Variants in NOMO3 observed in about 807,000 individuals in gnomAD.
The protein encoded by NOMO3 is NODAL modulator 3, also known as BOS complex subunit NOMO3.
NOMO3 carries 15 observed loss-of-function variants against 69.9 expected under a neutral mutation model. The observed-to-expected ratio is 0.21, with a 90% CI of 0.14 to 0.33. The LOEUF is 0.33. Ranked by LOEUF, NOMO3 falls within the 10% of genes least tolerant of loss-of-function variation. The pLI is 1.00. For missense variants in NOMO3, 218 were observed against 761.0 expected (o/e 0.29, Z 8.39); for synonymous variants, 89 against 301.9 (o/e 0.29, Z 7.31).
In NOMO3 at chr16:16,254,958, C is replaced by A. The variant is rs1350149790; in HGVS notation, c.964-762C>A. 1.4e-5 allele frequency among the ~76,000 whole-genome samples: 2 copies of A among 143,672 alleles called. 1 individual carries two copies. Among genetic ancestry groups the A allele is most frequent in the African/African-American group, 5.7e-5 (2 of 34,862 alleles). 94.3% of individuals were successfully genotyped at this position (143,672 alleles called of 152,430 possible). A position where few individuals can be genotyped will look rare whatever the true frequency, so the allele number is the denominator to read the frequency against. On this transcript the variant is annotated intron_variant, in intron 9 of 30. Transcript: ENST00000399336. ...TTTTCTTTGAGACAGAGTCTTGCTG[C>A]TTCACACAGGCTGGCACTATCTTGG...
At chr16:16,256,571 C>T (rs1190409208) in intron 11 of NOMO3, among the ~76,000 whole-genome samples, 1 of 26,148 alleles carries the variant, frequency 3.8e-5, no homozygotes, top group Non-Finnish European at 6.5e-5. Flanking sequence ...TGAGACACTG[C>T]ACCCGGCCAA....
At chr16:16,266,724 T>C in intron 15 of NOMO3, 1 of 519,790 alleles carries the variant, frequency 1.9e-6, no homozygotes, top group South Asian at 1.9e-5. Flanking sequence ...TTGAGATCAC[T>C]AATTTATTTG....
At chr16:16,265,350 T>G (rs1430174858) in intron 15 of NOMO3, 171 bp downstream of exon 15, 1 of 1,017,546 alleles carries the variant, frequency 9.8e-7, no homozygotes, top group Non-Finnish European at 1.4e-6. Context: ...TTATACTCTC[T>G]CAGTGGAAGG....
At chr16:16,249,411 C>A (rs1293917812) in intron 6 of NOMO3, among the ~76,000 whole-genome samples, 3 of 141,958 alleles carry the variant, frequency 2.1e-5, no homozygotes, top group Non-Finnish European at 4.5e-5. Context: ...GAAACCGCAT[C>A]TCTACTAAAA....
At position 16,237,262 on chromosome 16, in the gene NOMO3, T is replaced by C. The variant is rs182310529; in HGVS notation, c.255+272T>C. Among the ~76,000 whole-genome samples the C allele has an allele frequency of 1.3e-3, 181 of 144,270 alleles. 34 individuals carry two copies. Among genetic ancestry groups the C allele is most frequent in the African/African-American group, 4.7e-3 (170 of 35,910 alleles). 94.6% of individuals were successfully genotyped at this position (144,270 alleles called of 152,430 possible). On this transcript the variant is annotated intron_variant, in intron 2 of 30. Transcript: ENST00000399336. ...CTGTGCGCTACAGTCACCCAGTGAG[T>C]AGTGGCCAGGCGTGGAGCTAAATGT... is the stretch of plus-strand genomic sequence containing the variant.
intron 11 of NOMO3, among the ~76,000 whole-genome samples, chr16:16,259,418 G>A (rs1191541371): frequency 1.4e-5 from 2 of 140,706 alleles, no homozygotes; most frequent in Non-Finnish European, 3.0e-5. Context: ...GCGCCATCTC[G>A]GCTCACTGCA....
At chr16:16,254,152 C>T (rs909635129) in intron 9 of NOMO3, among the ~76,000 whole-genome samples, 1 of 142,672 alleles carries the variant, frequency 7.0e-6, no homozygotes, top group Non-Finnish European at 1.5e-5. Context: ...CTTTGCTTCT[C>T]GTAGCTTGCA....
At position 16,241,031 on chromosome 16, in the gene NOMO3, G is replaced by A. The variant is rs901669496; in HGVS notation, c.301+1135G>A. ...TACCCCCAACTGGTGCTGTTGATAA[G>A]CTTTTTAATTGAATTATACTTTCAG... On this transcript the variant is annotated intron_variant, in intron 3 of 30. Transcript: ENST00000399336. Among the ~76,000 whole-genome samples, 110 of 143,032 alleles carry A rather than the reference G, an allele frequency of 7.7e-4. 2 individuals are homozygous for A. The highest frequency in any genetic ancestry group is 1.4e-3 in the Non-Finnish European group (94 of 67,242). The allele number at this position is 143,032 out of a possible 152,430, so 93.8% of individuals were successfully genotyped here. A position where few individuals can be genotyped will look rare whatever the true frequency, so the allele number is the denominator to read the frequency against.
chr16:16,262,805 G>A (rs1316791800), intron 12 of NOMO3, among the ~76,000 whole-genome samples: 6 of 140,706 alleles, frequency 4.3e-5, no homozygotes, highest in Non-Finnish European at 7.4e-5. Context: ...AGGCGTGTCC[G>A]CGTTGCGGGC....
intron 2 of NOMO3, among the ~76,000 whole-genome samples, chr16:16,238,259 G>A (rs1166421057): frequency 1.5e-5 from 2 of 135,258 alleles, no homozygotes; most frequent in African/African-American, 6.2e-5. Context: ...TTGAGACAGA[G>A]TCTCACTCTG....
chr16:16,252,296 A>G (rs2141253091), intron 8 of NOMO3, 137 bp from the exon 9 acceptor site: 1 of 1,519,670 alleles, frequency 6.6e-7, no homozygotes, highest in East Asian at 2.5e-5. Flanking sequence ...CCTCTTTTCA[A>G]ATCTGCAACA....
intron 15 of NOMO3, among the ~76,000 whole-genome samples, chr16:16,265,672 T>TG (rs2049612073): frequency 3.3e-4 from 9 of 27,630 alleles, no homozygotes; most frequent in Admixed American, 5.2e-4. Context: ...ATATATATAT[T>TG]TTTTTTTTTT....
chr16:16,274,192 T>G, intron 20 of NOMO3, 117 bp downstream of exon 20: 1 of 797,198 alleles, frequency 1.3e-6, no homozygotes, highest in Non-Finnish European at 2.0e-6. Flanking sequence ...CCACCTTACA[T>G]CCTCTCTGGC....
chr16:16,265,285 C>G, intron 15 of NOMO3, 106 bp downstream of exon 15: 1 of 1,577,908 alleles, frequency 6.3e-7, no homozygotes, highest in South Asian at 1.1e-5. Flanking sequence ...AGTCAGATTT[C>G]CTTTTCTGCC....
intron 5 of NOMO3, among the ~76,000 whole-genome samples, chr16:16,245,431 A>G (rs1206576050): frequency 6.9e-6 from 1 of 144,572 alleles, no homozygotes; most frequent in Non-Finnish European, 1.5e-5. Flanking sequence ...GCTTGCGCCT[A>G]TAATGCCAGC....
intron 11 of NOMO3, among the ~76,000 whole-genome samples, chr16:16,258,721 G>A (rs1381706759): frequency 1.4e-5 from 2 of 143,138 alleles, no homozygotes; most frequent in Admixed American, 6.8e-5. Flanking sequence ...AAAGGTTGGC[G>A]GGGCATGGTG....
At chr16:16,264,554 CT>C (rs767272625) in intron 14 of NOMO3, among the ~76,000 whole-genome samples, 3 of 87,038 alleles carry the variant, frequency 3.4e-5, no homozygotes, top group Admixed American at 1.1e-4. Context: ...GTTTTTCTTT[CT>C]TTTTTTTTGA....
intron 15 of NOMO3, chr16:16,265,380 T>A: frequency 1.7e-6 from 1 of 595,602 alleles, no homozygotes; most frequent in Admixed American, 3.1e-5. Context: ...TTTAGGAGGT[T>A]TCCTTGTCCT....
chr16:16,262,848 C>A lies in NOMO3; in HGVS notation c.1396-226C>A, dbSNP rs1273698391. ...GAATTAGGCCAGATAGACTTTTGTT[C>A]ATACACATCGGTCTGTTGAGGCTAA... On this transcript the variant is annotated intron_variant, in intron 12 of 30. Transcript: ENST00000399336. 3.5e-5 allele frequency among the ~76,000 whole-genome samples: 5 copies of A among 141,524 alleles called. 2 individuals are homozygous for A. Among genetic ancestry groups the A allele is most frequent in the African/African-American group, 5.9e-5 (2 of 33,710 alleles). The allele number at this position is 141,524 out of a possible 152,430, so 92.8% of individuals were successfully genotyped here.
Sources: gnomAD v4.1 joint callset for allele counts (sites outside exome capture counted in the v4.1 genomes callset) on GRCh38, gnomAD v4.1.1 for gene constraint, MANE v1.5 for transcripts, NCBI Gene and HGNC (gene_info 2026-07-23, HGNC 2026-07-21) for gene names.